The following FXYD2 variants were observed in gnomAD, a reference collection of about 807,000 sequenced individuals.
FXYD2 encodes the protein sodium/potassium-transporting ATPase subunit gamma.
In FXYD2, 8 loss-of-function variants were observed where a neutral mutation model predicts 11.8. The observed-to-expected ratio is 0.68, with a 90% CI of 0.40 to 1.22. FXYD2 has a LOEUF of 1.22. FXYD2 is among the 50% of genes most tolerant of loss of function. The probability of loss-of-function intolerance (pLI) is 0.01; values close to 1 mark genes in which losing one functional copy is unlikely to be tolerated. For missense variants in FXYD2, 92 were observed against 91.8 expected (o/e 1.00, Z -0.01); for synonymous variants, 42 against 33.3 (o/e 1.26, Z -0.90).
chr11:117,821,532 G>A lies in FXYD2; in HGVS notation c.140-637C>T, dbSNP rs1009177311. On this transcript the variant is annotated intron_variant, in intron 3 of 5. Coordinates refer to ENST00000292079, the MANE Select transcript of FXYD2 (RefSeq NM_001680.5). ...AGCACAGCTGCCCGATGAACACCTG[G>A]AGAAGGATGGCAGCAACTCCAAAGT... 4.1e-6 allele frequency: 4 copies of A among 985,964 alleles called. No individual in the cohort carries two copies. In the Admixed American group the frequency reaches 1.8e-4, roughly 45 times the overall value. The allele number at this position is 985,964 out of a possible 1,614,324, so 61.1% of individuals were successfully genotyped here. A position where few individuals can be genotyped will look rare whatever the true frequency, so the allele number is the denominator to read the frequency against.
In FXYD2 at chr11:117,822,258, C is replaced by T. The variant is rs776551388; in HGVS notation, c.139+148G>A. 3 of 1,523,754 alleles carry T rather than the reference C, an allele frequency of 2.0e-6. No individual in the cohort carries two copies. The highest frequency in any genetic ancestry group is 2.5e-5 in the East Asian group (1 of 40,506). 94.4% of individuals were successfully genotyped at this position (1,523,754 alleles called of 1,614,324 possible). A position where few individuals can be genotyped will look rare whatever the true frequency, so the allele number is the denominator to read the frequency against. ...GCTCCCAGCGAGCCTGGCACCCCACCGGGCACCCATTCCCACATCCTGCAG... is the reference window on the plus strand; with the variant it reads ...GCTCCCAGCGAGCCTGGCACCCCACTGGGCACCCATTCCCACATCCTGCAG... On this transcript the variant is annotated intron_variant, in intron 3 of 5. Coordinates refer to ENST00000292079, the MANE Select transcript of FXYD2 (RefSeq NM_001680.5). This position sits in a 1 kb window ranked among gnomAD's most constrained non-coding sequence, Gnocchi z 4.7.
At chr11:117,823,751 C>T (rs1012692781) in intron 1 of FXYD2, among the ~76,000 whole-genome samples, 1 of 152,354 alleles carries the variant, frequency 6.6e-6, no homozygotes. Context: ...GAGGAAGGAA[C>T]GCGCAAGTTA....
Position 117,820,637 on chromosome 11 carries a change from C to T in FXYD2, c.*6+29G>A, listed in dbSNP as rs118032332. On this transcript the variant is annotated intron_variant, in intron 5 of 5. Coordinates refer to ENST00000292079, the MANE Select transcript of FXYD2 (RefSeq NM_001680.5). ...GCTCCCAAGCCTGCCCTGCCCTCCC[C>T]GCACCTTCCCCAGGCCCTCCTAGCA... The T allele has an allele frequency of 1.6e-3, 2,612 of 1,613,456 alleles. 63 individuals carry two copies. In the East Asian group the frequency reaches 0.048, roughly 30 times the overall value.
intron 4 of FXYD2, 53 bp downstream of exon 4, chr11:117,820,806 C>T (rs1213050037): frequency 2.5e-6 from 4 of 1,613,628 alleles, no homozygotes; most frequent in Non-Finnish European, 3.4e-6. Flanking sequence ...CCTCAGCCCG[C>T]CCCTCCTTCT....
chr11:117,827,113 T>C (rs1195811811), upstream of FXYD2, among the ~76,000 whole-genome samples: 1 of 131,758 alleles, frequency 7.6e-6, no homozygotes, highest in Non-Finnish European at 1.6e-5. Context: ...GATAGATAGA[T>C]AGATAGATAG....
At chr11:117,825,477 C>T (rs1325532516), upstream of FXYD2, among the ~76,000 whole-genome samples, 2 of 152,184 alleles carry the variant, frequency 1.3e-5, no homozygotes, top group African/African-American at 2.4e-5. Context: ...AGACTTTCAT[C>T]GTGGGGAAAA....
rs745497369 is a variant in FXYD2 at position 117,824,626 on chromosome 11, G to A, written c.25+28C>T. On this transcript the variant is annotated intron_variant, in intron 1 of 5. Coordinates refer to ENST00000292079, the MANE Select transcript of FXYD2 (RefSeq NM_001680.5). The surrounding 1 kb of genome is among the most constrained non-coding windows in gnomAD (Gnocchi z 4.0). ...ATCAGAGCCACCCAGCATTGCACAC[G>A]CCCGGGCACGCACACCAGCACACTC... 5.0e-6 allele frequency: 8 copies of A among 1,594,436 alleles called. No individual in the cohort carries two copies. The highest frequency in any genetic ancestry group is 6.0e-6 in the Non-Finnish European group (7 of 1,162,360).
chr11:117,823,016 T>A (rs985678944), intron 1 of FXYD2, among the ~76,000 whole-genome samples: 5 of 152,028 alleles, frequency 3.3e-5, no homozygotes, highest in African/African-American at 1.2e-4. Context: ...CCTACCATGG[T>A]AGAAAAGGCC....
upstream of FXYD2, chr11:117,828,078 T>G (rs1193370046): frequency 1.9e-6 from 3 of 1,549,416 alleles, no homozygotes; most frequent in Non-Finnish European, 2.6e-6. Context: ...GCCTGGGGCC[T>G]GGATGGAGAG....
upstream of FXYD2, among the ~76,000 whole-genome samples, chr11:117,826,697 T>G (rs2056041006): frequency 6.6e-6 from 1 of 152,212 alleles, no homozygotes; most frequent in South Asian, 2.1e-4. Flanking sequence ...TAAGCCTCCA[T>G]GGAGTCTTTC....
In FXYD2 at chr11:117,822,387, T is replaced by G; in HGVS notation, c.139+19A>C. On this transcript the variant is annotated intron_variant, in intron 3 of 5. Coordinates refer to ENST00000292079, the MANE Select transcript of FXYD2 (RefSeq NM_001680.5). This position sits in a 1 kb window ranked among gnomAD's most constrained non-coding sequence, Gnocchi z 4.7. ...GGTGCCCTGGTCAGCACCCCTTCCC[T>G]GGAGGCCACCCCACTTACTGAGGAG... 6.4e-6 allele frequency: 10 copies of G among 1,553,208 alleles called. No homozygotes were observed. Among genetic ancestry groups the G allele is most frequent in the Non-Finnish European group, 8.7e-6 (10 of 1,147,800 alleles).
intron 3 of FXYD2, chr11:117,821,960 T>C (rs926228411): frequency 9.4e-7 from 1 of 1,060,592 alleles, no homozygotes; most frequent in Non-Finnish European, 1.1e-6. Flanking sequence ...ATAACTCTCT[T>C]TGTCTCCCCC....
rs775179288 is a variant in FXYD2 at position 117,822,587 on chromosome 11, G to T, written c.64+92C>A. ...CCGTGGTAACCAGGGGAGATAAGGG[G>T]CACAGAGCATGGACCTGGGGCTGGG... On this transcript the variant is annotated intron_variant, in intron 2 of 5. Coordinates refer to ENST00000292079, the MANE Select transcript of FXYD2 (RefSeq NM_001680.5). This position sits in a 1 kb window ranked among gnomAD's most constrained non-coding sequence, Gnocchi z 4.7. 5.1e-6 allele frequency: 8 copies of T among 1,570,706 alleles called. No individual in the cohort carries two copies. In the African/African-American group the frequency reaches 1.1e-4, roughly 21 times the overall value.
intron 1 of FXYD2, among the ~76,000 whole-genome samples, chr11:117,823,338 C>A (rs986201345): frequency 5.9e-5 from 9 of 152,342 alleles, no homozygotes; most frequent in African/African-American, 2.2e-4. Flanking sequence ...TTATGGCAAC[C>A]TTATGAGGCG....
chr11:117,824,318 CG>C lies in FXYD2; in HGVS notation c.25+335del. On this transcript the variant is annotated intron_variant, in intron 1 of 5. Transcript: ENST00000292079. This position sits in a 1 kb window ranked among gnomAD's most constrained non-coding sequence, Gnocchi z 4.0. ...CCTGCTCCTTCCCCAGCCAGATGGACGCCGTCTGCCTCCCGCCCAAGTTCAG... is the reference window on the plus strand; with the variant it reads ...CCTGCTCCTTCCCCAGCCAGATGGACCCGTCTGCCTCCCGCCCAAGTTCAG... The C allele has an allele frequency of 2.2e-6, 1 of 453,154 alleles. No individual in the cohort carries two copies. The highest frequency in any genetic ancestry group is 4.1e-6 in the Non-Finnish European group (1 of 246,688). 28.1% of individuals were successfully genotyped at this position (453,154 alleles called of 1,614,324 possible).
chr11:117,825,318 C>T (rs2056012361), upstream of FXYD2, among the ~76,000 whole-genome samples: 1 of 152,218 alleles, frequency 6.6e-6, no homozygotes, highest in Non-Finnish European at 1.5e-5. Context: ...CTGCAGGTTA[C>T]ACCTCATTCA....
chr11:117,823,427 G>T (rs1363383049), intron 1 of FXYD2, among the ~76,000 whole-genome samples: 1 of 152,254 alleles, frequency 6.6e-6, no homozygotes, highest in Non-Finnish European at 1.5e-5. Flanking sequence ...AGCAAGTCAG[G>T]GGTAGAGCTG....
chr11:117,822,165 T>A lies in FXYD2; in HGVS notation c.139+241A>T. 1 of 1,421,702 alleles carries A rather than the reference T, an allele frequency of 7.0e-7. No individual in the cohort carries two copies. The highest frequency in any genetic ancestry group is 9.2e-7 in the Non-Finnish European group (1 of 1,087,662). The allele number at this position is 1,421,702 out of a possible 1,614,324, so 88.1% of individuals were successfully genotyped here. On this transcript the variant is annotated intron_variant, in intron 3 of 5. Transcript: ENST00000292079. The surrounding 1 kb of genome is among the most constrained non-coding windows in gnomAD (Gnocchi z 4.7). Reference sequence around the variant, plus strand: ...TTACCCAGTTACCCCGTGGGTTTGCTCTCACTTCTGCGGCTCCTCCCGGGC... The same window carrying A: ...TTACCCAGTTACCCCGTGGGTTTGCACTCACTTCTGCGGCTCCTCCCGGGC...
At chr11:117,821,960 T>A (rs926228411) in intron 3 of FXYD2, 26 of 1,060,592 alleles carry the variant, frequency 2.5e-5, no homozygotes, top group Non-Finnish European at 2.9e-5. Context: ...ATAACTCTCT[T>A]TGTCTCCCCC....
Sources: allele counts gnomAD v4.1 joint callset (sites outside exome capture counted in the v4.1 genomes callset), GRCh38; gene constraint gnomAD v4.1.1; non-coding constraint Gnocchi (gnomAD v3.1); transcripts MANE v1.5; gene names NCBI Gene and HGNC (gene_info 2026-07-23, HGNC 2026-07-21).